The following NR3C2 variants were observed in gnomAD, a reference collection of about 807,000 sequenced individuals.
NR3C2 encodes the protein nuclear receptor subfamily 3 group C member 2.
Under a neutral mutation model 86.4 loss-of-function variants are expected in NR3C2, and 15 were observed. The ratio of observed to expected loss-of-function variants is 0.17; its 90% confidence interval spans 0.12 to 0.27. The LOEUF (loss-of-function observed/expected upper bound fraction) is 0.27, where lower values mean the gene tolerates loss of function less well. Among genes scored for constraint, NR3C2 ranks in the 10% least tolerant of loss-of-function variants. The probability of loss-of-function intolerance (pLI) is 1.00; values close to 1 mark genes in which losing one functional copy is unlikely to be tolerated. For missense variants in NR3C2, 960 were observed against 1,195.6 expected, an observed-to-expected ratio of 0.80 and a Z score of 2.91; for synonymous variants, 458 against 450.5, an observed-to-expected ratio of 1.02 and a Z score of -0.21.
At chr4:148,425,308 C>T (rs1232956133) in intron 2 of NR3C2, among the ~76,000 whole-genome samples, 3 of 152,246 alleles carry the variant, frequency 2.0e-5, no homozygotes, top group Admixed American at 6.5e-5. Flanking sequence ...GGCTTACATG[C>T]TAACTAGCAG....
intron 2 of NR3C2, among the ~76,000 whole-genome samples, chr4:148,299,168 A>G (rs1018395001): frequency 1.3e-5 from 2 of 152,130 alleles, no homozygotes; most frequent in Non-Finnish European, 2.9e-5. Context: ...CCATGTGTCT[A>G]ATTTTTCTTG....
chr4:148,406,762 A>G (rs543353163), intron 2 of NR3C2, among the ~76,000 whole-genome samples: 61 of 152,224 alleles, frequency 4.0e-4, no homozygotes, highest in Non-Finnish European at 7.6e-4. Flanking sequence ...AAGAATGTTA[A>G]CATAAAACAA....
intron 8 of NR3C2, among the ~76,000 whole-genome samples, chr4:148,088,622 C>G (rs1171052846): frequency 1.3e-5 from 2 of 151,852 alleles, no homozygotes; most frequent in Non-Finnish European, 2.9e-5. Context: ...GAACAGAAAA[C>G]CAAACACTGC....
chr4:148,101,489 A>C (rs778065586), intron 8 of NR3C2, among the ~76,000 whole-genome samples: 2 of 152,214 alleles, frequency 1.3e-5, no homozygotes, highest in South Asian at 2.1e-4. Flanking sequence ...GTGATGGGAG[A>C]GGAAGGGTTC....
chr4:148,094,791 A>C (rs934395753), intron 8 of NR3C2, among the ~76,000 whole-genome samples: 1 of 152,176 alleles, frequency 6.6e-6, no homozygotes, highest in Non-Finnish European at 1.5e-5. Context: ...CACAATTCCG[A>C]AAGGTGAAAA....
At chr4:148,444,861 G>A (rs901944131), upstream of NR3C2, 19 of 985,028 alleles carry the variant, frequency 1.9e-5, no homozygotes, top group Admixed American at 4.9e-4. Context: ...CCTGGGAGCC[G>A]GGAAGTCCGG....
intron 8 of NR3C2, among the ~76,000 whole-genome samples, chr4:148,102,648 T>G (rs1446035353): frequency 6.6e-6 from 1 of 152,156 alleles, no homozygotes; most frequent in Non-Finnish European, 1.5e-5. Context: ...AGCTCTCACC[T>G]GAACCACAGC....
intron 3 of NR3C2, among the ~76,000 whole-genome samples, chr4:148,202,586 C>A (rs1169895365): frequency 1.3e-5 from 2 of 152,184 alleles, no homozygotes; most frequent in Non-Finnish European, 2.9e-5. Context: ...GATGTTTTAT[C>A]TTCCACCAGC....
At chr4:148,118,673 A>G (rs1183666678) in intron 7 of NR3C2, among the ~76,000 whole-genome samples, 1 of 152,180 alleles carries the variant, frequency 6.6e-6, no homozygotes, top group Non-Finnish European at 1.5e-5. Context: ...TAACCTATCC[A>G]AAACAGCACT....
chr4:148,160,573 G>A (rs1459933766), intron 4 of NR3C2, among the ~76,000 whole-genome samples: 1 of 151,964 alleles, frequency 6.6e-6, no homozygotes, highest in Admixed American at 6.6e-5. Flanking sequence ...AGTAGAATAT[G>A]GAATCTTGTT....
chr4:148,150,353 T>G (rs1734048383), intron 6 of NR3C2, among the ~76,000 whole-genome samples: 1 of 152,234 alleles, frequency 6.6e-6, no homozygotes, highest in African/African-American at 2.4e-5. Flanking sequence ...ACTTAACATA[T>G]ATTCCTAGTT....
rs377107164 is a variant in NR3C2 at position 148,273,891 on chromosome 4, G to C, written c.1758-13774C>G. On this transcript the variant is annotated intron_variant, in intron 2 of 8. Coordinates refer to ENST00000358102, the MANE Select transcript of NR3C2 (RefSeq NM_000901.5). ...GTGTGCACAGGGGGGTCACGCTGTG[G>C]AGCAAGAGATAAGGCAGCTGGTGCA... 5.9e-5 allele frequency among the ~76,000 whole-genome samples: 9 copies of C among 152,308 alleles called. No homozygotes were observed. The East Asian group carries it at 1.7e-3, about 29-fold the overall frequency.
At chr4:148,396,011 G>A (rs72658611) in intron 2 of NR3C2, among the ~76,000 whole-genome samples, 20 of 152,296 alleles carry the variant, frequency 1.3e-4, no homozygotes, top group African/African-American at 4.8e-4. Flanking sequence ...AGCTCCCAGA[G>A]AGCTTAAAAT....
chr4:148,103,661 C>T (rs1293892599), intron 8 of NR3C2, among the ~76,000 whole-genome samples: 1 of 152,214 alleles, frequency 6.6e-6, no homozygotes, highest in Non-Finnish European at 1.5e-5. Context: ...TGCTGCCTCT[C>T]GCTCTATGAA....
At chr4:148,421,317 T>C (rs533801618) in intron 2 of NR3C2, among the ~76,000 whole-genome samples, 6 of 152,322 alleles carry the variant, frequency 3.9e-5, no homozygotes, top group African/African-American at 1.4e-4. Flanking sequence ...TAATGTGCAC[T>C]GTTGTTTGTT....
At chr4:148,430,483 A>T (rs952392780) in intron 2 of NR3C2, among the ~76,000 whole-genome samples, 1 of 152,176 alleles carries the variant, frequency 6.6e-6, no homozygotes, top group Non-Finnish European at 1.5e-5. Context: ...ATCAGGAGAA[A>T]CAACTCTCAT....
intron 2 of NR3C2, among the ~76,000 whole-genome samples, chr4:148,322,219 T>C (rs1352270100): frequency 2.0e-5 from 3 of 149,772 alleles, no homozygotes; most frequent in Non-Finnish European, 4.5e-5. Context: ...CACTCTCTTC[T>C]GGCTTGTAGG....
intron 4 of NR3C2, among the ~76,000 whole-genome samples, chr4:148,172,664 T>TATTC (rs1484842662): frequency 6.6e-6 from 1 of 152,240 alleles, no homozygotes; most frequent in East Asian, 1.9e-4. Flanking sequence ...CATGTTTGTT[T>TATTC]ATTCATTCAT....
chr4:148,220,493 T>C (rs1737779200), intron 3 of NR3C2, among the ~76,000 whole-genome samples: 2 of 152,242 alleles, frequency 1.3e-5, no homozygotes, highest in African/African-American at 4.8e-5. Context: ...GACTGACTTC[T>C]GATTATAGAA....
Sources: gnomAD v4.1 joint callset for allele counts (sites outside exome capture counted in the v4.1 genomes callset) on GRCh38, gnomAD v4.1.1 for gene constraint, MANE v1.5 for transcripts, NCBI Gene and HGNC (gene_info 2026-07-23, HGNC 2026-07-21) for gene names.